Variants in RUNX2 observed in about 807,000 individuals in gnomAD.
The protein encoded by RUNX2 is runt-related transcription factor 2.
A neutral mutation model predicts 51.7 loss-of-function variants in RUNX2; 10 were observed. That is an observed-to-expected ratio of 0.19 (90% confidence interval 0.12 to 0.33). RUNX2 has a LOEUF of 0.33. Among genes scored for constraint, RUNX2 ranks in the 10% least tolerant of loss-of-function variants. The pLI is 1.00. For missense variants in RUNX2, 562 were observed against 691.3 expected (o/e 0.81, Z 2.10); for synonymous variants, 276 against 273.6 (o/e 1.01, Z -0.09).
chr6:45,454,759 C>T lies in RUNX2; in HGVS notation c.685+16708C>T, dbSNP rs78412780. On this transcript the variant is annotated intron_variant, in intron 5 of 8. Coordinates refer to ENST00000647337, the MANE Select transcript of RUNX2 (RefSeq NM_001024630.4). ...CCATAGCTGAGTTCTATTCCTACTT[C>T]TATTCCTGGTGCTATTTGGTCAGTT... is the stretch of plus-strand genomic sequence containing the variant. 0.014 allele frequency among the ~76,000 whole-genome samples: 2,064 copies of T among 152,274 alleles called. 103 individuals carry two copies. In the East Asian group the frequency reaches 0.17, roughly 12 times the overall value.
In RUNX2 at chr6:45,393,975, C is replaced by T. The variant is rs149845549; in HGVS notation, c.59-28618C>T. On this transcript the variant is annotated intron_variant, in intron 2 of 8. Coordinates refer to ENST00000647337, the MANE Select transcript of RUNX2 (RefSeq NM_001024630.4). ...GTCTCACTCTGCCCAGGCGTGATCT[C>T]GGCTCACTGCAACCTCTGCTTCCCG... 8.6e-5 allele frequency among the ~76,000 whole-genome samples: 13 copies of T among 150,322 alleles called. No homozygotes were observed. In the East Asian group the frequency reaches 2.0e-3, roughly 23 times the overall value.
At chr6:45,383,634 A>AT (rs200974406) in intron 2 of RUNX2, among the ~76,000 whole-genome samples, 3,057 of 152,266 alleles carry the variant, frequency 0.02, 58 homozygotes, top group South Asian at 0.085. Context: ...AAAGAAAAAT[A>AT]TTTTTTGGTC....
intron 5 of RUNX2, among the ~76,000 whole-genome samples, chr6:45,470,107 T>C (rs1799754005): frequency 6.6e-6 from 1 of 152,166 alleles, no homozygotes; most frequent in African/African-American, 2.4e-5. Context: ...ATGGTTGTGT[T>C]TTCATTTATT....
chr6:45,422,498 C>T, intron 2 of RUNX2, 95 bp from the exon 3 acceptor site: 3 of 674,856 alleles, frequency 4.4e-6, no homozygotes, highest in Admixed American at 3.2e-5. Context: ...TCGCCTTCAC[C>T]CCCCCAATTT....
intron 7 of RUNX2, among the ~76,000 whole-genome samples, chr6:45,541,838 T>C (rs1433668919): frequency 6.6e-6 from 1 of 152,222 alleles, no homozygotes; most frequent in Non-Finnish European, 1.5e-5. Context: ...CGGTCTGTTA[T>C]TTTGGTCAAA....
intron 7 of RUNX2, among the ~76,000 whole-genome samples, chr6:45,531,660 G>A (rs774623711): frequency 2.0e-5 from 3 of 152,194 alleles, no homozygotes; most frequent in East Asian, 3.9e-4. Context: ...GGCTGAGGCC[G>A]GAGAATCGCT....
At chr6:45,457,230 A>G (rs1582132033) in intron 5 of RUNX2, among the ~76,000 whole-genome samples, 1 of 152,212 alleles carries the variant, frequency 6.6e-6, no homozygotes, top group East Asian at 1.9e-4. Flanking sequence ...AGAGATATGT[A>G]GAAAAAAAGA....
At chr6:45,370,824 G>C (rs948543317) in intron 2 of RUNX2, among the ~76,000 whole-genome samples, 1 of 152,056 alleles carries the variant, frequency 6.6e-6, no homozygotes, top group Admixed American at 6.6e-5. Flanking sequence ...CCGAGACACA[G>C]GAGTTTCTAG....
chr6:45,528,466 C>T (rs1022118044), intron 7 of RUNX2, among the ~76,000 whole-genome samples: 5 of 151,948 alleles, frequency 3.3e-5, no homozygotes, highest in Admixed American at 2.6e-4. Context: ...ACTAAAAATA[C>T]AAAAATTAGT....
intron 2 of RUNX2, among the ~76,000 whole-genome samples, chr6:45,414,514 C>G (rs1798021049): frequency 6.6e-6 from 1 of 152,026 alleles, no homozygotes; most frequent in African/African-American, 2.4e-5. Flanking sequence ...AGTGGAGATT[C>G]AAAATGCATG....
intron 2 of RUNX2, among the ~76,000 whole-genome samples, chr6:45,336,699 A>AGTATTTTTAATAAAGTATT (rs1237770444): frequency 6.6e-6 from 1 of 151,466 alleles, no homozygotes; most frequent in Non-Finnish European, 1.5e-5. Flanking sequence ...ACTGTAACAC[A>AGTATTTTTAATAAAGTATT]GTATTTTTAA....
intron 4 of RUNX2, 130 bp downstream of exon 4, chr6:45,432,149 T>C: frequency 2.2e-6 from 2 of 890,810 alleles, no homozygotes; most frequent in South Asian, 2.9e-5. Flanking sequence ...TTGATTTAAA[T>C]ACATCCAGAT....
intron 2 of RUNX2, among the ~76,000 whole-genome samples, chr6:45,418,733 A>C (rs1044345065): frequency 6.6e-6 from 1 of 152,230 alleles, no homozygotes; most frequent in African/African-American, 2.4e-5. Flanking sequence ...AATGTTCAGC[A>C]AAAGGATGTT....
At chr6:45,439,661 T>TTG (rs1250470372) in intron 5 of RUNX2, among the ~76,000 whole-genome samples, 106 of 151,726 alleles carry the variant, frequency 7.0e-4, no homozygotes, top group African/African-American at 2.5e-3. Context: ...TTGCGTGTGT[T>TTG]TGTGTGCGTG....
At chr6:45,446,182 T>C (rs1258869278) in intron 5 of RUNX2, among the ~76,000 whole-genome samples, 2 of 152,342 alleles carry the variant, frequency 1.3e-5, no homozygotes, top group African/African-American at 4.8e-5. Context: ...GTCCCTCCTT[T>C]GCACTCTTCC....
chr6:45,413,330 G>A (rs1391235176), intron 2 of RUNX2, among the ~76,000 whole-genome samples: 1 of 150,700 alleles, frequency 6.6e-6, no homozygotes, highest in Non-Finnish European at 1.5e-5. Context: ...GGTAAGCACA[G>A]GACACACACA....
intron 5 of RUNX2, among the ~76,000 whole-genome samples, chr6:45,473,501 G>A (rs189793715): frequency 5.3e-5 from 8 of 152,272 alleles, no homozygotes; most frequent in Admixed American, 4.6e-4. Context: ...GTGGGGGAGC[G>A]GTGGCGGCGG....
intron 2 of RUNX2, among the ~76,000 whole-genome samples, chr6:45,358,150 C>T (rs1793577781): frequency 6.6e-6 from 1 of 152,058 alleles, no homozygotes. Context: ...CAGGTTATAA[C>T]ATGTAAAATG....
chr6:45,485,697 G>GTGTATATA (rs1219072282), intron 5 of RUNX2, among the ~76,000 whole-genome samples: 7 of 104,070 alleles, frequency 6.7e-5, no homozygotes, highest in African/African-American at 2.7e-4. Context: ...GTGTGTGTGT[G>GTGTATATA]TATATATATA....
Sources: allele counts gnomAD v4.1 joint callset (sites outside exome capture counted in the v4.1 genomes callset), GRCh38; gene constraint gnomAD v4.1.1; transcripts MANE v1.5; gene names NCBI Gene and HGNC (gene_info 2026-07-23, HGNC 2026-07-21).